HOXC6: variants seen among roughly 807,000 people sequenced by gnomAD.
HOXC6 encodes homeobox C6.
HOXC6 carries 10 observed loss-of-function variants against 24.0 expected under a neutral mutation model. That is an observed-to-expected ratio of 0.42 (90% CI 0.26 to 0.71). The LOEUF (loss-of-function observed/expected upper bound fraction) is 0.71. Among genes scored for constraint, HOXC6 ranks in the 30% least tolerant of loss-of-function variants. The pLI is 0.28. For synonymous variants in HOXC6, 123 were observed against 128.1 expected (o/e 0.96, Z 0.27); for missense variants, 258 against 303.4 (o/e 0.85, Z 1.11).
rs1162753397 is a variant in HOXC6 at position 54,019,177 on chromosome 12, AC to A, written c.-193+1770del. On this transcript the variant is annotated intron_variant, in intron 1 of 2. Transcript: ENST00000394331. Reference sequence around the variant, plus strand: ...ATGGCATTTTCTCTCCCCCTCCCCCACCCCCCCACCCCCAGTAGGACTTGTG... The same window carrying A: ...ATGGCATTTTCTCTCCCCCTCCCCCACCCCCCACCCCCAGTAGGACTTGTG... Among the ~76,000 whole-genome samples the A allele has an allele frequency of 3.2e-3, 177 of 55,094 alleles. 1 individual carries two copies. The highest frequency in any genetic ancestry group is 0.01 in the African/African-American group (155 of 15,374). The allele number at this position is 55,094 out of a possible 152,430, so 36.1% of individuals were successfully genotyped here.
At chr12:54,018,385 G>C (rs1940263201) in intron 1 of HOXC6, among the ~76,000 whole-genome samples, 1 of 152,212 alleles carries the variant, frequency 6.6e-6, no homozygotes, top group South Asian at 2.1e-4. Flanking sequence ...AGGCTGGGCG[G>C]GGACAGGCCC....
chr12:54,017,780 G>A (rs1472239038), intron 1 of HOXC6, among the ~76,000 whole-genome samples: 6 of 152,206 alleles, frequency 3.9e-5, no homozygotes, highest in Admixed American at 2.6e-4. Flanking sequence ...AACTGGGTCG[G>A]AGCGGAACTG....
chr12:54,028,998 GGA>G (rs1351169619), intron 1 of HOXC6, 77 bp downstream of exon 1: 3 of 1,423,406 alleles, frequency 2.1e-6, no homozygotes, highest in Non-Finnish European at 2.8e-6. Context: ...AAGAACGGGC[GGA>G]GAGAGTTTTT....
chr12:54,020,405 A>G (rs1944120703), intron 1 of HOXC6: 1 of 152,190 alleles, frequency 6.6e-6, no homozygotes, highest in Non-Finnish European at 1.5e-5. Flanking sequence ...GTTCCTAGCT[A>G]AGGAGAATTG....
At chr12:54,027,103 C>G (rs1222784165), upstream of HOXC6, among the ~76,000 whole-genome samples, 1 of 152,268 alleles carries the variant, frequency 6.6e-6, no homozygotes, top group Admixed American at 6.5e-5. Flanking sequence ...CATCTGCACA[C>G]TTTCCGCTGT....
intron 1 of HOXC6, among the ~76,000 whole-genome samples, chr12:54,029,420 C>T (rs1335456221): frequency 7.1e-6 from 1 of 141,608 alleles, no homozygotes; most frequent in Admixed American, 6.9e-5. Context: ...CGCCCCCCCC[C>T]CCACCACACA....
chr12:54,023,235 G>A lies in HOXC6; in HGVS notation c.-192-5341G>A, dbSNP rs531472033. 7.2e-5 allele frequency among the ~76,000 whole-genome samples: 11 copies of A among 152,332 alleles called. No homozygotes were observed. The South Asian group carries it at 2.3e-3, about 32-fold the overall frequency. ...TTTTTTCCAGATGGAGCTGGAAGGG[G>A]GCTCAGGGCTGAGCGTGATGGGGTA... is the stretch of plus-strand genomic sequence containing the variant. On this transcript the variant is annotated intron_variant, in intron 1 of 2. Coordinates refer to the HOXC6 transcript ENST00000394331.
chr12:54,029,959 G>C lies in HOXC6; in HGVS notation c.705G>C (p.Glu235Asp). The C allele has an allele frequency of 6.4e-7, 1 of 1,569,044 alleles. No individual in the cohort carries two copies. Among genetic ancestry groups the C allele is most frequent in the Non-Finnish European group, 8.6e-7 (1 of 1,156,714 alleles). Residue 235 changes from glutamate (E) to aspartate (D), a missense_variant, in exon 2 of 2, where the codon GAG becomes GAC. Coordinates refer to ENST00000243108, the MANE Select transcript of HOXC6 (RefSeq NM_004503.4). ...AGACAGAAGAGGAGAAGCAGAAAGA[G>C]TGACCAGGACTGTCCCTGCCACCCC... ...REETEEEKQK[E>D] is the part of the protein sequence containing the mutation.
At position 54,030,126 on chromosome 12, in the gene HOXC6, C is replaced by A; in HGVS notation, c.*164C>A. On this transcript the variant is annotated 3_prime_UTR_variant, in exon 2 of 2. Coordinates refer to ENST00000243108, the MANE Select transcript of HOXC6 (RefSeq NM_004503.4). ...GGACCTGAAAGTCAGCTCTGGACCC[C>A]CTCCCTCACCGCACAACTCTCTTTC... 1.6e-6 allele frequency: 1 copy of A among 631,926 alleles called. No individual in the cohort carries two copies. Among genetic ancestry groups the A allele is most frequent in the South Asian group, 2.4e-5 (1 of 41,134 alleles). 39.1% of individuals were successfully genotyped at this position (631,926 alleles called of 1,614,324 possible).
At chr12:54,027,182 CT>C (rs1940756896), upstream of HOXC6, among the ~76,000 whole-genome samples, 1 of 152,204 alleles carries the variant, frequency 6.6e-6, no homozygotes, top group Non-Finnish European at 1.5e-5. Context: ...CGTCTCTTCC[CT>C]TTTTTTAGCC....
chr12:54,029,864 T>C lies in HOXC6; in HGVS notation c.610T>C (p.Ser204Pro). The change falls in exon 2 of 2, where the codon TCC becomes CCC. Residue 204 changes from serine to proline, a missense_variant. Ser to Pro is a moderately conservative substitution (Grantham distance 74). Coordinates refer to ENST00000243108, the MANE Select transcript of HOXC6 (RefSeq NM_004503.4). ...MKWKKESNLT[S>P]TLSGGGGGAT... ...GTGGAAAAAAGAATCTAATCTCACA[T>C]CCACTCTCTCGGGGGGCGGCGGAGG... 6.2e-7 allele frequency: 1 copy of C among 1,612,842 alleles called. No homozygotes were observed.
chr12:54,025,654 G>A (rs907118319), upstream of HOXC6, among the ~76,000 whole-genome samples: 1 of 151,966 alleles, frequency 6.6e-6, no homozygotes, highest in Middle Eastern at 3.2e-3. Context: ...CCAGCAGCTG[G>A]TTTCTGTTCA....
intron 1 of HOXC6, among the ~76,000 whole-genome samples, chr12:54,018,010 G>T (rs900094291): frequency 2.2e-4 from 33 of 152,214 alleles, no homozygotes; most frequent in Admixed American, 1.1e-3. Flanking sequence ...GGCGGCCGGC[G>T]GGGCCTGTTA....
chr12:54,024,749 T>G (rs746984174), upstream of HOXC6, among the ~76,000 whole-genome samples: 18 of 152,116 alleles, frequency 1.2e-4, no homozygotes, highest in Non-Finnish European at 1.8e-4. Flanking sequence ...TGGTAGCATT[T>G]AACTTGCCTA....
In HOXC6 at chr12:54,030,049, G is replaced by A; in HGVS notation, c.*87G>A. The A allele has an allele frequency of 1.6e-6, 2 of 1,268,180 alleles. No individual in the cohort carries two copies. Among genetic ancestry groups the A allele is most frequent in the East Asian group, 5.1e-5 (2 of 39,058 alleles). 78.6% of individuals were successfully genotyped at this position (1,268,180 alleles called of 1,614,324 possible). On this transcript the variant is annotated 3_prime_UTR_variant, in exon 2 of 2. Coordinates refer to ENST00000243108, the MANE Select transcript of HOXC6 (RefSeq NM_004503.4). ...AATCACACACTCTGTATTTATCACT[G>A]GCACAATTGATGTGTTTTGATTCCC...
upstream of HOXC6, among the ~76,000 whole-genome samples, chr12:54,026,477 T>C (rs1051544002): frequency 6.6e-6 from 1 of 152,238 alleles, no homozygotes; most frequent in East Asian, 1.9e-4. Flanking sequence ...TTTTTCTTAA[T>C]TTAAAAATCC....
upstream of HOXC6, among the ~76,000 whole-genome samples, chr12:54,027,165 T>TC (rs1331747552): frequency 6.6e-6 from 1 of 152,254 alleles, no homozygotes; most frequent in Non-Finnish European, 1.5e-5. Flanking sequence ...AGCTGCCTTT[T>TC]CGTAACCGTC....
intron 1 of HOXC6, among the ~76,000 whole-genome samples, chr12:54,029,208 C>G (rs1940872149): frequency 6.6e-6 from 1 of 152,022 alleles, no homozygotes; most frequent in African/African-American, 2.4e-5. Flanking sequence ...GGGGAGCCCC[C>G]CAAAGTGGAG....
At chr12:54,029,374 C>T (rs923232511) in intron 1 of HOXC6, among the ~76,000 whole-genome samples, 1 of 151,598 alleles carries the variant, frequency 6.6e-6, no homozygotes, top group African/African-American at 2.4e-5. Flanking sequence ...TGCTTTTAGA[C>T]TTGCAGCTTT....
Sources: allele counts gnomAD v4.1 joint callset (sites outside exome capture counted in the v4.1 genomes callset), GRCh38; gene constraint gnomAD v4.1.1; transcripts MANE v1.5; gene names NCBI Gene and HGNC (gene_info 2026-07-23, HGNC 2026-07-21).